The following RAPGEF5 variants were observed in gnomAD, a reference collection of about 807,000 sequenced individuals.
RAPGEF5 encodes the protein M-Ras-regulated GEF.
RAPGEF5 carries 65 observed loss-of-function variants against 125.2 expected under a neutral mutation model. That is an observed-to-expected ratio of 0.52 (90% CI 0.43 to 0.64). The LOEUF is 0.64. Among genes scored for constraint, RAPGEF5 ranks in the 30% least tolerant of loss-of-function variants. RAPGEF5 has a pLI of 0.00. For synonymous variants in RAPGEF5, 391 were observed against 385.9 expected (o/e 1.01, Z -0.16); for missense variants, 958 against 1,048.1 (o/e 0.91, Z 1.19).
At chr7:22,126,082 G>A (rs112759487) in intron 24 of RAPGEF5, among the ~76,000 whole-genome samples, 177 of 152,238 alleles carry the variant, frequency 1.2e-3, no homozygotes, top group Non-Finnish European at 2.2e-3. Flanking sequence ...CCTGGGAGGC[G>A]GAGGTGCAGT....
intron 17 of RAPGEF5, among the ~76,000 whole-genome samples, chr7:22,152,771 T>A (rs749988550): frequency 1.3e-4 from 20 of 152,236 alleles, no homozygotes; most frequent in Admixed American, 8.5e-4. Flanking sequence ...AGGATTGCAT[T>A]AAGCTTTTGA....
At position 22,260,133 on chromosome 7, in the gene RAPGEF5, A is replaced by G. The variant is rs142809541; in HGVS notation, c.796+6831T>C. ...TGGTTGTAGTGGGTTAGAGGAACAT[A>G]GAGTTGAATAAGTGGAGCACACAGG... is the stretch of plus-strand genomic sequence containing the variant. On this transcript the variant is annotated intron_variant, in intron 7 of 25. Transcript: ENST00000665637. Among the ~76,000 whole-genome samples the G allele has an allele frequency of 1.8e-3, 280 of 152,312 alleles. 1 individual carries two copies. The highest frequency in any genetic ancestry group is 6.4e-3 in the African/African-American group (266 of 41,570).
At chr7:22,331,755 A>AAAG (rs1783925405) in intron 1 of RAPGEF5, among the ~76,000 whole-genome samples, 1 of 151,544 alleles carries the variant, frequency 6.6e-6, no homozygotes, top group Admixed American at 6.6e-5. Context: ...AAAAAAAAAA[A>AAAG]AAAAAAGAAA....
chr7:22,355,145 T>C (rs1583601111), intron 1 of RAPGEF5, among the ~76,000 whole-genome samples: 1 of 152,192 alleles, frequency 6.6e-6, no homozygotes, highest in Non-Finnish European at 1.5e-5. Flanking sequence ...GTTTGGAAAG[T>C]CCCAAAAAGA....
chr7:22,295,175 A>G (rs1783031292), intron 5 of RAPGEF5, among the ~76,000 whole-genome samples: 1 of 152,236 alleles, frequency 6.6e-6, no homozygotes, highest in South Asian at 2.1e-4. Context: ...TGGTGGAAGA[A>G]TGAGAATTAG....
chr7:22,217,612 C>A (rs913154191), intron 9 of RAPGEF5, among the ~76,000 whole-genome samples: 2 of 152,108 alleles, frequency 1.3e-5, no homozygotes, highest in Admixed American at 6.6e-5. Flanking sequence ...TGTCATCCTG[C>A]AGAAGGGAGA....
chr7:22,122,179 A>T lies in RAPGEF5; in HGVS notation c.*227T>A. On this transcript the variant is annotated 3_prime_UTR_variant, in exon 26 of 26. Transcript: ENST00000665637. ...CTTCTCCATCTCAAGAATGCTTCTG[A>T]CTCTCCTTCTGCCTTCTTGTCCCGA... is the stretch of plus-strand genomic sequence containing the variant. The T allele has an allele frequency of 2.1e-6, 1 of 486,804 alleles. No individual in the cohort carries two copies. Among genetic ancestry groups the T allele is most frequent in the South Asian group, 3.0e-5 (1 of 33,164 alleles). The allele number at this position is 486,804 out of a possible 1,614,324, so 30.2% of individuals were successfully genotyped here.
At chr7:22,130,009 A>C (rs185880522) in intron 24 of RAPGEF5, among the ~76,000 whole-genome samples, 1 of 152,236 alleles carries the variant, frequency 6.6e-6, no homozygotes, top group Admixed American at 6.5e-5. Flanking sequence ...TTCTTTGATC[A>C]TGGTCTGTGG....
intron 9 of RAPGEF5, among the ~76,000 whole-genome samples, chr7:22,205,678 G>C (rs1785381073): frequency 6.6e-6 from 1 of 152,170 alleles, no homozygotes; most frequent in Non-Finnish European, 1.5e-5. Context: ...TTACTTTCTT[G>C]GTATTTCTAA....
chr7:22,220,859 T>C (rs767786490), intron 8 of RAPGEF5, among the ~76,000 whole-genome samples: 1 of 152,202 alleles, frequency 6.6e-6, no homozygotes, highest in Non-Finnish European at 1.5e-5. Flanking sequence ...GTCAAAACTA[T>C]GGAATCCGTT....
Position 22,322,317 on chromosome 7 carries a change from C to A in RAPGEF5, c.232-4280G>T, listed in dbSNP as rs76082135. On this transcript the variant is annotated intron_variant, in intron 1 of 25. Coordinates refer to ENST00000665637, the MANE Select transcript of RAPGEF5 (RefSeq NM_012294.5). ...CCATGTCCAGCTGACTTTTGTATTTCTTTTTTTTTTGGAGAGACAGGATTT... is the reference window on the plus strand; with the variant it reads ...CCATGTCCAGCTGACTTTTGTATTTATTTTTTTTTTGGAGAGACAGGATTT... Among the ~76,000 whole-genome samples the A allele has an allele frequency of 4.8e-3, 708 of 146,640 alleles. 5 individuals are homozygous for A. The highest frequency in any genetic ancestry group is 0.021 in the Middle Eastern group (6 of 292).
chr7:22,187,049 A>G (rs921830640), intron 11 of RAPGEF5, among the ~76,000 whole-genome samples: 12 of 152,238 alleles, frequency 7.9e-5, no homozygotes, highest in Admixed American at 7.9e-4. Context: ...TTGGATTCTA[A>G]GCTTAATACC....
intron 7 of RAPGEF5, among the ~76,000 whole-genome samples, chr7:22,257,211 C>T (rs1051358068): frequency 7.2e-5 from 11 of 152,154 alleles, no homozygotes; most frequent in South Asian, 4.1e-4. Context: ...GATGTGCCAG[C>T]TATCATTTTA....
Position 22,118,980 on chromosome 7 carries a change from T to C in RAPGEF5, c.*3426A>G, listed in dbSNP as rs898989929. ...TTTTAAGGACATGTTTTTGAAACAT[T>C]TAAAAGAAATCCTGTGTTGGACCAC... is the stretch of plus-strand genomic sequence containing the variant. On this transcript the variant is annotated 3_prime_UTR_variant, in exon 26 of 26. Transcript: ENST00000665637. 1.0e-4 allele frequency: 15 copies of C among 144,008 alleles called. No individual in the cohort carries two copies. The highest frequency in any genetic ancestry group is 3.6e-4 in the African/African-American group (14 of 39,104). The allele number at this position is 144,008 out of a possible 1,614,324, so 8.9% of individuals were successfully genotyped here. A position where few individuals can be genotyped will look rare whatever the true frequency, so the allele number is the denominator to read the frequency against.
At chr7:22,231,549 A>C (rs974768223) in intron 7 of RAPGEF5, among the ~76,000 whole-genome samples, 22 of 152,146 alleles carry the variant, frequency 1.4e-4, no homozygotes, top group African/African-American at 5.1e-4. Flanking sequence ...AAATATAAAA[A>C]CAAGTGCCAG....
At chr7:22,147,120 A>C (rs958566829) in intron 18 of RAPGEF5, 101 bp from the exon 19 acceptor site, 2 of 1,419,034 alleles carry the variant, frequency 1.4e-6, no homozygotes, top group African/African-American at 2.9e-5. Context: ...TAGCAAAGTA[A>C]TCTTTTCTGA....
chr7:22,232,349 C>G (rs1439674695), intron 7 of RAPGEF5, among the ~76,000 whole-genome samples: 4 of 144,010 alleles, frequency 2.8e-5, no homozygotes, highest in Non-Finnish European at 6.0e-5. Context: ...AGTCTTCACT[C>G]TTTTTGCCCA....
intron 6 of RAPGEF5, among the ~76,000 whole-genome samples, chr7:22,286,837 G>T (rs1782810098): frequency 6.6e-6 from 1 of 152,176 alleles, no homozygotes; most frequent in Non-Finnish European, 1.5e-5. Flanking sequence ...AACACTGGAA[G>T]AATTCATGTT....
chr7:22,146,832 T>C, intron 19 of RAPGEF5, 65 bp downstream of exon 19: 2 of 1,541,794 alleles, frequency 1.3e-6, no homozygotes, highest in Non-Finnish European at 1.8e-6. Context: ...CACGCATTGA[T>C]ATTCTTCACA....
Sources: allele counts gnomAD v4.1 joint callset (sites outside exome capture counted in the v4.1 genomes callset), GRCh38; gene constraint gnomAD v4.1.1; transcripts MANE v1.5; gene names NCBI Gene and HGNC (gene_info 2026-07-23, HGNC 2026-07-21).